GPR141: variants seen among roughly 807,000 people sequenced by gnomAD.
GPR141 encodes probable G protein-coupled receptor 141.
GPR141 carries 6 observed loss-of-function variants against 6.8 expected under a neutral mutation model. That is an observed-to-expected ratio of 0.88 (90% CI 0.48 to 1.74). The LOEUF (loss-of-function observed/expected upper bound fraction) is 1.74, where lower values mean the gene tolerates loss of function less well. Among genes scored for constraint, GPR141 ranks in the 40% most tolerant of loss-of-function variants. The pLI, the probability that GPR141 is intolerant of heterozygous loss-of-function variation, is 0.01. For synonymous variants in GPR141, 140 were observed against 142.3 expected (o/e 0.98, Z 0.11); for missense variants, 372 against 372.9 (o/e 1.00, Z 0.02).
chr7:37,687,204 T>C (rs1216747610), intron 2 of GPR141, among the ~76,000 whole-genome samples: 5 of 152,054 alleles, frequency 3.3e-5, no homozygotes, highest in East Asian at 1.9e-4. Context: ...ATCAATCAAA[T>C]TGTAGCTCTG....
chr7:37,707,639 A>G (rs1281320996), intron 2 of GPR141, among the ~76,000 whole-genome samples: 2 of 152,244 alleles, frequency 1.3e-5, no homozygotes, highest in African/African-American at 2.4e-5. Context: ...AGATAAGGAA[A>G]ATAAATTATG....
At position 37,741,593 on chromosome 7, in the gene GPR141, G is replaced by A. The variant is rs1373813664; in HGVS notation, c.*282G>A. On this transcript the variant is annotated 3_prime_UTR_variant, in exon 3 of 3. Coordinates refer to ENST00000334425, the MANE Select transcript of GPR141 (RefSeq NM_001381946.1). ...CTGTGTGGCCCATGAAAGCAACATA[G>A]GTTTTAAGAGTTTTAGAGTTTCATT... Among the ~76,000 whole-genome samples the A allele has an allele frequency of 6.6e-6, 1 of 152,144 alleles. No homozygotes were observed. Among genetic ancestry groups the A allele is most frequent in the African/African-American group, 2.4e-5 (1 of 41,426 alleles).
intron 2 of GPR141, among the ~76,000 whole-genome samples, chr7:37,725,773 G>A (rs1258784279): frequency 1.3e-5 from 2 of 151,610 alleles, no homozygotes; most frequent in Non-Finnish European, 2.9e-5. Flanking sequence ...TATAAATTGT[G>A]TGATTTCAGA....
intron 2 of GPR141, among the ~76,000 whole-genome samples, chr7:37,693,696 A>C (rs1003928476): frequency 1.3e-5 from 2 of 152,142 alleles, no homozygotes; most frequent in Non-Finnish European, 2.9e-5. Flanking sequence ...CTGGGGGAGC[A>C]TGAAGCAGCA....
At chr7:37,738,262 T>C (rs1413029417) in intron 2 of GPR141, among the ~76,000 whole-genome samples, 1 of 152,188 alleles carries the variant, frequency 6.6e-6, no homozygotes, top group Non-Finnish European at 1.5e-5. Context: ...GTTTCTCATA[T>C]CTGGCAACGA....
intron 2 of GPR141, among the ~76,000 whole-genome samples, chr7:37,686,029 C>T (rs1200846266): frequency 1.3e-5 from 2 of 151,960 alleles, no homozygotes; most frequent in Admixed American, 6.6e-5. Flanking sequence ...GACAGGGCCT[C>T]GCTCTGTCTC....
intron 1 of GPR141, among the ~76,000 whole-genome samples, chr7:37,684,196 G>T (rs1809397368): frequency 4.6e-5 from 7 of 152,134 alleles, no homozygotes; most frequent in Admixed American, 4.6e-4. Context: ...GAATTTTTTA[G>T]AGCAGTTGGC....
intron 2 of GPR141, among the ~76,000 whole-genome samples, chr7:37,688,330 G>A (rs1309579068): frequency 1.3e-5 from 2 of 152,066 alleles, no homozygotes; most frequent in Admixed American, 1.3e-4. Flanking sequence ...TACTCAGGGG[G>A]CTGAGGCAGG....
At chr7:37,703,932 T>C (rs1273919115) in intron 2 of GPR141, among the ~76,000 whole-genome samples, 2 of 152,168 alleles carry the variant, frequency 1.3e-5, no homozygotes, top group East Asian at 3.9e-4. Context: ...TCAAAATGCC[T>C]ATACATTTTA....
At chr7:37,700,090 T>G (rs1414488098) in intron 2 of GPR141, among the ~76,000 whole-genome samples, 1 of 152,220 alleles carries the variant, frequency 6.6e-6, no homozygotes, top group Non-Finnish European at 1.5e-5. Context: ...GATATTGTGG[T>G]AGAGCTGGTG....
chr7:37,694,389 C>T (rs970890034), intron 2 of GPR141, among the ~76,000 whole-genome samples: 1 of 152,262 alleles, frequency 6.6e-6, no homozygotes, highest in Admixed American at 6.5e-5. Context: ...AGCAACTTCA[C>T]CAAGGCACCA....
intron 2 of GPR141, among the ~76,000 whole-genome samples, chr7:37,728,957 A>T (rs931992964): frequency 1.3e-5 from 2 of 152,178 alleles, no homozygotes; most frequent in East Asian, 3.9e-4. Context: ...GAAATCATTG[A>T]TGATGCAATT....
intron 2 of GPR141, among the ~76,000 whole-genome samples, chr7:37,715,075 A>G (rs1810982097): frequency 6.6e-6 from 1 of 152,126 alleles, no homozygotes; most frequent in African/African-American, 2.4e-5. Context: ...ATTGTTGGCT[A>G]TTGATATATG....
intron 2 of GPR141, among the ~76,000 whole-genome samples, chr7:37,703,285 G>A (rs1453533658): frequency 6.6e-6 from 1 of 152,046 alleles, no homozygotes; most frequent in Non-Finnish European, 1.5e-5. Flanking sequence ...CTAATTGGCT[G>A]CCTTTAATAT....
At chr7:37,691,080 T>C (rs1301770124) in intron 2 of GPR141, among the ~76,000 whole-genome samples, 2 of 152,182 alleles carry the variant, frequency 1.3e-5, no homozygotes, top group Admixed American at 6.5e-5. Context: ...TCTTTGTATC[T>C]TTTTAGAATT....
At chr7:37,728,077 A>G (rs992794598) in intron 2 of GPR141, among the ~76,000 whole-genome samples, 81 of 152,196 alleles carry the variant, frequency 5.3e-4, no homozygotes, top group Non-Finnish European at 1.0e-3. Context: ...CTACATCTAG[A>G]ACTTCAATGC....
chr7:37,726,737 A>G (rs1811649885), intron 2 of GPR141, among the ~76,000 whole-genome samples: 1 of 152,214 alleles, frequency 6.6e-6, no homozygotes, highest in Non-Finnish European at 1.5e-5. Context: ...ATACAACCAC[A>G]TACAATGGTC....
At chr7:37,689,636 T>G (rs748026658) in intron 2 of GPR141, among the ~76,000 whole-genome samples, 66 of 152,168 alleles carry the variant, frequency 4.3e-4, no homozygotes, top group Non-Finnish European at 8.4e-4. Flanking sequence ...GGTGTATGTG[T>G]CCATGAATTT....
At chr7:37,720,749 A>G (rs1811286160) in intron 2 of GPR141, among the ~76,000 whole-genome samples, 1 of 152,080 alleles carries the variant, frequency 6.6e-6, no homozygotes, top group African/African-American at 2.4e-5. Context: ...AAAAAAAAAA[A>G]AAAAAAAGAG....
Sources: gnomAD v4.1 joint callset for allele counts (sites outside exome capture counted in the v4.1 genomes callset) on GRCh38, gnomAD v4.1.1 for gene constraint, MANE v1.5 for transcripts, NCBI Gene and HGNC (gene_info 2026-07-23, HGNC 2026-07-21) for gene names.